Variants in ZC3H3 observed in about 807,000 individuals in gnomAD.
The protein encoded by ZC3H3 is zinc finger CCCH-type containing 3, also known as zinc finger CCCH domain-containing protein 3.
A neutral mutation model predicts 77.3 loss-of-function variants in ZC3H3; 36 were observed. That is an observed-to-expected ratio of 0.47 (90% CI 0.36 to 0.61). ZC3H3 has a LOEUF of 0.61. Among genes scored for constraint, ZC3H3 ranks in the 20% least tolerant of loss-of-function variants. ZC3H3 has a pLI of 0.00. For missense variants in ZC3H3, 1,331 were observed against 1,312.2 expected, an observed-to-expected ratio of 1.01 and a Z score of -0.22; for synonymous variants, 626 against 555.2, an observed-to-expected ratio of 1.13 and a Z score of -1.79.
chr8:143,451,453 T>C (rs1399701738), intron 9 of ZC3H3, among the ~76,000 whole-genome samples: 1 of 152,068 alleles, frequency 6.6e-6, no homozygotes, highest in East Asian at 1.9e-4. Context: ...CATGCACCCA[T>C]ACGTTGAAAA....
intron 4 of ZC3H3, among the ~76,000 whole-genome samples, chr8:143,503,829 A>C (rs1379849156): frequency 2.0e-5 from 3 of 151,888 alleles, no homozygotes; most frequent in Non-Finnish European, 4.4e-5. Context: ...CGCCTCCTCC[A>C]TGTTCAGGTC....
intron 9 of ZC3H3, among the ~76,000 whole-genome samples, chr8:143,442,409 TG>T (rs1286973015): frequency 7.3e-5 from 2 of 27,580 alleles, no homozygotes; most frequent in African/African-American, 1.4e-4. Flanking sequence ...CCGGGGGGGG[TG>T]GGGGGGCGGG....
At chr8:143,489,096 C>T (rs1389703793) in intron 4 of ZC3H3, among the ~76,000 whole-genome samples, 1 of 152,250 alleles carries the variant, frequency 6.6e-6, no homozygotes, top group Non-Finnish European at 1.5e-5. Flanking sequence ...GGGCCTAAGA[C>T]CAGCAATGAG....
intron 4 of ZC3H3, among the ~76,000 whole-genome samples, chr8:143,478,537 T>C (rs995576329): frequency 3.9e-5 from 6 of 152,160 alleles, no homozygotes; most frequent in Admixed American, 1.3e-4. Context: ...GAGATGGAGT[T>C]TTGCTCTTGT....
At chr8:143,517,495 G>A (rs796436520) in intron 3 of ZC3H3, among the ~76,000 whole-genome samples, 9 of 152,302 alleles carry the variant, frequency 5.9e-5, no homozygotes, top group African/African-American at 1.2e-4. Flanking sequence ...AGGCTGCAGC[G>A]AAGGACAGCT....
chr8:143,522,544 A>G (rs1169796777), intron 3 of ZC3H3, among the ~76,000 whole-genome samples: 6 of 152,162 alleles, frequency 3.9e-5, no homozygotes, highest in African/African-American at 1.4e-4. Context: ...TCGAGGTTGC[A>G]GTGAGCCAAG....
chr8:143,528,177 G>T (rs1358007256), intron 3 of ZC3H3, among the ~76,000 whole-genome samples: 1 of 152,188 alleles, frequency 6.6e-6, no homozygotes, highest in Admixed American at 6.5e-5. Context: ...GGTGCACCTC[G>T]GGCCCTGCGT....
chr8:143,525,756 C>T (rs73373281), intron 3 of ZC3H3, among the ~76,000 whole-genome samples: 1,530 of 152,358 alleles, frequency 0.01, 30 homozygotes, highest in African/African-American at 0.035. Flanking sequence ...TCAGCACCCA[C>T]GCAGTGACCA....
intron 9 of ZC3H3, among the ~76,000 whole-genome samples, chr8:143,461,545 G>C (rs950395785): frequency 6.6e-6 from 1 of 152,142 alleles, no homozygotes; most frequent in Admixed American, 6.5e-5. Flanking sequence ...GCCACACAAA[G>C]GCTGGAGCGC....
At chr8:143,476,785 C>T (rs73369442) in intron 4 of ZC3H3, among the ~76,000 whole-genome samples, 49 of 152,342 alleles carry the variant, frequency 3.2e-4, no homozygotes, top group African/African-American at 8.9e-4. Flanking sequence ...CCCTGCTCTA[C>T]GCTCCCCATC....
intron 3 of ZC3H3, among the ~76,000 whole-genome samples, chr8:143,519,926 G>A (rs896043878): frequency 2.0e-5 from 3 of 152,156 alleles, no homozygotes; most frequent in Non-Finnish European, 4.4e-5. Context: ...GGGGAGCTGC[G>A]CCAGCCCCAT....
chr8:143,513,815 C>T (rs1212082830), intron 3 of ZC3H3, among the ~76,000 whole-genome samples: 3 of 152,214 alleles, frequency 2.0e-5, no homozygotes, highest in African/African-American at 7.2e-5. Context: ...CGAGGCACCT[C>T]CTGGAAGGCA....
intron 4 of ZC3H3, among the ~76,000 whole-genome samples, chr8:143,502,145 G>A (rs2130403369): frequency 6.6e-6 from 1 of 152,400 alleles, no homozygotes. Context: ...CAGACACCAA[G>A]TCTGCCCAGC....
In ZC3H3 at chr8:143,507,805, G is replaced by A. The variant is rs151123036; in HGVS notation, c.1656C>T (p.Ser552=). ...IVKKTPASPL[S]APPFPLSLPS... ...GCAGAGACAGGGGGAAGGGCGGGGC[G>A]CTGAGAGGCGAGGCCGGCGTCTTCT... The change falls in exon 4 of 12, where the codon AGC becomes AGT. Residue 552 remains serine (S), a synonymous_variant. Coordinates refer to ENST00000262577, the MANE Select transcript of ZC3H3 (RefSeq NM_015117.3). The A allele has an allele frequency of 3.5e-5, 56 of 1,605,636 alleles. No individual in the cohort carries two copies. Among genetic ancestry groups the A allele is most frequent in the African/African-American group, 1.1e-4 (8 of 74,786 alleles).
chr8:143,477,004 T>A (rs755398043), intron 4 of ZC3H3, among the ~76,000 whole-genome samples: 6 of 152,076 alleles, frequency 3.9e-5, no homozygotes, highest in Non-Finnish European at 8.8e-5. Context: ...CAGCAGCATA[T>A]CCATCAAAGC....
At chr8:143,474,005 G>A (rs1253869458) in intron 5 of ZC3H3, among the ~76,000 whole-genome samples, 2 of 152,156 alleles carry the variant, frequency 1.3e-5, no homozygotes, top group Admixed American at 6.5e-5. Flanking sequence ...ACCAGAGAAG[G>A]CCCTGCTGGG....
chr8:143,442,013 G>A (rs1819755120), intron 9 of ZC3H3, among the ~76,000 whole-genome samples: 1 of 152,160 alleles, frequency 6.6e-6, no homozygotes, highest in South Asian at 2.1e-4. Flanking sequence ...AGTGGCCGGA[G>A]TGCTTCCAGC....
Position 143,507,835 on chromosome 8 carries a change from A to G in ZC3H3, c.1626T>C (p.Ile542=), listed in dbSNP as rs1182885602. The change falls in exon 4 of 12, where the codon ATT becomes ATC. Residue 542 remains isoleucine (I), a synonymous_variant. Transcript: ENST00000262577. ...GAGGCGAGGCCGGCGTCTTCTTGAC[A>G]ATGCGGTAGCGGGTCTTGATCACCT... ...TSKVIKTRYR[I]VKKTPASPLS... 2 of 1,610,302 alleles carry G rather than the reference A, an allele frequency of 1.2e-6. No homozygotes were observed. Among genetic ancestry groups the G allele is most frequent in the Non-Finnish European group, 1.7e-6 (2 of 1,178,722 alleles).
intron 9 of ZC3H3, among the ~76,000 whole-genome samples, chr8:143,449,813 T>TGTGGCG (rs1386012980): frequency 6.6e-6 from 1 of 152,226 alleles, no homozygotes. Context: ...AGTTCAAAGT[T>TGTGGCG]CCACAGATCC....
Sources: gnomAD v4.1 joint callset for allele counts (sites outside exome capture counted in the v4.1 genomes callset) on GRCh38, gnomAD v4.1.1 for gene constraint, MANE v1.5 for transcripts, NCBI Gene and HGNC (gene_info 2026-07-23, HGNC 2026-07-21) for gene names.